ITPR2: variants seen among roughly 807,000 people sequenced by gnomAD.
ITPR2 encodes the protein inositol 1,4,5-trisphosphate-gated calcium channel ITPR2.
In ITPR2, 207 loss-of-function variants were observed where a neutral mutation model predicts 317.1. The observed-to-expected ratio is 0.65, with a 90% CI of 0.58 to 0.73. The LOEUF (loss-of-function observed/expected upper bound fraction) is 0.73. Ranked by LOEUF, ITPR2 falls within the 30% of genes least tolerant of loss-of-function variation. The pLI is 0.00. For missense variants in ITPR2, 2,613 were observed against 3,284.0 expected, an observed-to-expected ratio of 0.80 and a Z score of 4.99; for synonymous variants, 1,156 against 1,149.1, an observed-to-expected ratio of 1.01 and a Z score of -0.12.
intron 52 of ITPR2, among the ~76,000 whole-genome samples, chr12:26,405,698 G>T (rs1293731409): frequency 6.6e-6 from 1 of 152,214 alleles, no homozygotes; most frequent in Non-Finnish European, 1.5e-5. Context: ...AGACACGTTT[G>T]AAAGTATGAG....
At chr12:26,806,106 C>T (rs1326395866) in intron 1 of ITPR2, among the ~76,000 whole-genome samples, 8 of 152,114 alleles carry the variant, frequency 5.3e-5, no homozygotes, top group Non-Finnish European at 1.2e-4. Context: ...CTATCAATCT[C>T]CCAACTAGGG....
At chr12:26,602,587 C>A (rs1423219551) in intron 27 of ITPR2, 30 bp downstream of exon 27, 4 of 1,575,484 alleles carry the variant, frequency 2.5e-6, no homozygotes, top group Non-Finnish European at 3.5e-6. Context: ...CAAATATAAA[C>A]CTATATAAGA....
At position 26,450,635 on chromosome 12, in the gene ITPR2, TAGA is replaced by T. The variant is rs574037008; in HGVS notation, c.6343-6988_6343-6986del. 1.2e-4 allele frequency among the ~76,000 whole-genome samples: 18 copies of T among 152,320 alleles called. No homozygotes were observed. In the South Asian group the frequency reaches 3.3e-3, roughly 28 times the overall value. On this transcript the variant is annotated intron_variant, in intron 45 of 56. Coordinates refer to ENST00000381340, the MANE Select transcript of ITPR2 (RefSeq NM_002223.4). ...TGAATATTTGGTACTTAGACCACTTTAGAAGAAGATCAGCTTCAGGAATTCCTA... is the reference window on the plus strand; with the variant it reads ...TGAATATTTGGTACTTAGACCACTTTAGAAGATCAGCTTCAGGAATTCCTA...
chr12:26,508,812 A>T (rs1434383113), intron 37 of ITPR2, among the ~76,000 whole-genome samples: 6 of 152,196 alleles, frequency 3.9e-5, no homozygotes, highest in African/African-American at 1.4e-4. Flanking sequence ...TGCTAATGGG[A>T]ATAGAAAATG....
chr12:26,467,396 GA>G (rs1222641385), intron 45 of ITPR2, among the ~76,000 whole-genome samples: 1 of 151,728 alleles, frequency 6.6e-6, no homozygotes, highest in Non-Finnish European at 1.5e-5. Flanking sequence ...TCTCTCTCCT[GA>G]AAGTTAAGAA....
rs188591296 is a variant in ITPR2, at chr12:26,437,774, T to C, written c.6643+1353A>G. Among the ~76,000 whole-genome samples the C allele has an allele frequency of 2.7e-3, 417 of 152,148 alleles. 1 individual carries two copies. The highest frequency in any genetic ancestry group is 9.6e-3 in the African/African-American group (398 of 41,510). On this transcript the variant is annotated intron_variant, in intron 47 of 56. Coordinates refer to ENST00000381340, the MANE Select transcript of ITPR2 (RefSeq NM_002223.4). ...ATTCAATTTATTGTCAAGGAGAAAA[T>C]ATATGTTTTTTTGTTTTGTTTTGGT...
At chr12:26,747,938 G>C (rs754920590) in intron 2 of ITPR2, among the ~76,000 whole-genome samples, 2 of 152,156 alleles carry the variant, frequency 1.3e-5, no homozygotes, top group African/African-American at 2.4e-5. Flanking sequence ...AGGGACTTCT[G>C]TGTGCTACTC....
chr12:26,609,566 T>C (rs1332190891), intron 26 of ITPR2, among the ~76,000 whole-genome samples: 1 of 151,846 alleles, frequency 6.6e-6, no homozygotes, highest in Non-Finnish European at 1.5e-5. Context: ...ATTGCACCAC[T>C]GCACTCCAGC....
chr12:26,767,372 G>A (rs1276086713), intron 2 of ITPR2, among the ~76,000 whole-genome samples: 1 of 152,128 alleles, frequency 6.6e-6, no homozygotes. Flanking sequence ...CTGAGCCTAG[G>A]GCAGGAAGCT....
intron 43 of ITPR2, among the ~76,000 whole-genome samples, 155 bp downstream of exon 43, chr12:26,480,976 A>G (rs984892104): frequency 2.0e-5 from 3 of 152,282 alleles, no homozygotes; most frequent in African/African-American, 7.2e-5. Context: ...CTAACTTCAC[A>G]TTGCATCTGG....
chr12:26,661,269 T>TGGGGGG (rs1332276817), intron 15 of ITPR2, among the ~76,000 whole-genome samples: 1 of 6,750 alleles, frequency 1.5e-4, no homozygotes, highest in African/African-American at 8.2e-4. Flanking sequence ...GGTAGGGGTG[T>TGGGGGG]GTGTGTGGGG....
chr12:26,725,767 T>G lies in ITPR2; in HGVS notation c.164-2A>C. On this transcript the variant is annotated splice_acceptor_variant, in intron 2 of 56. Coordinates refer to ENST00000381340, the MANE Select transcript of ITPR2 (RefSeq NM_002223.4). LOFTEE classifies it high-confidence loss of function. ...TAGGGCACACCTTGAAAAGGCAGTC[T>G]GTGACAAACCAACATACAAAAACAC... The G allele has an allele frequency of 6.3e-7, 1 of 1,593,882 alleles. No homozygotes were observed.
intron 55 of ITPR2, among the ~76,000 whole-genome samples, chr12:26,385,924 C>A (rs1443166188): frequency 6.6e-6 from 1 of 151,740 alleles, no homozygotes; most frequent in Non-Finnish European, 1.5e-5. Flanking sequence ...GTTTGTTATT[C>A]CCCCCTTCCT....
intron 13 of ITPR2, among the ~76,000 whole-genome samples, chr12:26,681,432 C>G (rs1948028003): frequency 6.6e-6 from 1 of 152,086 alleles, no homozygotes; most frequent in Admixed American, 6.6e-5. Context: ...CTACACCCTG[C>G]AGATTTTTTT....
chr12:26,644,616 G>C (rs1296469826), intron 21 of ITPR2, among the ~76,000 whole-genome samples: 1 of 152,104 alleles, frequency 6.6e-6, no homozygotes, highest in East Asian at 1.9e-4. Context: ...CATGTGCAAG[G>C]GAACTCCCCT....
intron 2 of ITPR2, among the ~76,000 whole-genome samples, chr12:26,763,365 T>C (rs533977628): frequency 2.6e-5 from 4 of 152,102 alleles, no homozygotes; most frequent in African/African-American, 9.6e-5. Flanking sequence ...ATAATGAAAA[T>C]TGTGAAAACA....
chr12:26,638,441 C>T (rs139626509), intron 21 of ITPR2, among the ~76,000 whole-genome samples: 10 of 152,308 alleles, frequency 6.6e-5, no homozygotes, highest in South Asian at 2.1e-4. Flanking sequence ...CTAGAAAGCT[C>T]TCTTGTGCCC....
intron 3 of ITPR2, 68 bp from the exon 4 acceptor site, chr12:26,724,810 AT>A (rs1015331554): frequency 6.9e-5 from 77 of 1,110,108 alleles, no homozygotes; most frequent in South Asian, 1.8e-4. Context: ...TGACAAAGAA[AT>A]TTTTTTTAGG....
intron 55 of ITPR2, among the ~76,000 whole-genome samples, chr12:26,385,195 T>A (rs1396770610): frequency 6.6e-6 from 1 of 152,150 alleles, no homozygotes; most frequent in Non-Finnish European, 1.5e-5. Context: ...GGTTTGATAC[T>A]CCTGGCTCCA....
Sources: allele counts gnomAD v4.1 joint callset (sites outside exome capture counted in the v4.1 genomes callset), GRCh38; gene constraint gnomAD v4.1.1; transcripts MANE v1.5; gene names NCBI Gene and HGNC (gene_info 2026-07-23, HGNC 2026-07-21).